Variants in TNR observed in about 807,000 individuals in gnomAD.
TNR encodes tenascin-R.
TNR carries 45 observed loss-of-function variants against 150.4 expected under a neutral mutation model. The ratio of observed to expected loss-of-function variants is 0.30; its 90% CI spans 0.24 to 0.38. The LOEUF is 0.38. Among genes scored for constraint, TNR ranks in the 10% least tolerant of loss-of-function variants. The pLI is 1.00. For synonymous variants in TNR, 687 were observed against 678.4 expected, an observed-to-expected ratio of 1.01 and a Z score of -0.20; for missense variants, 1,544 against 1,759.1, an observed-to-expected ratio of 0.88 and a Z score of 2.19.
intron 1 of TNR, among the ~76,000 whole-genome samples, chr1:175,549,581 G>A (rs972716579): frequency 6.6e-6 from 1 of 152,194 alleles, no homozygotes; most frequent in African/African-American, 2.4e-5. Context: ...AAGACAGAAA[G>A]ATTATAGAGG....
At chr1:175,523,850 A>G (rs1390081335) in intron 2 of TNR, among the ~76,000 whole-genome samples, 2 of 152,162 alleles carry the variant, frequency 1.3e-5, no homozygotes, top group Non-Finnish European at 2.9e-5. Flanking sequence ...ATCTCCACTC[A>G]AAGTCTAAAT....
chr1:175,450,687 G>A (rs568960089), intron 2 of TNR, among the ~76,000 whole-genome samples: 1 of 152,346 alleles, frequency 6.6e-6, no homozygotes, highest in East Asian at 1.9e-4. Context: ...TTTGTCTGAT[G>A]AATGAATGAA....
At chr1:175,535,447 T>TTTGTTG (rs138597544) in intron 1 of TNR, among the ~76,000 whole-genome samples, 2 of 148,070 alleles carry the variant, frequency 1.4e-5, no homozygotes, top group African/African-American at 5.2e-5. Flanking sequence ...TTATTTATTT[T>TTTGTTG]TTGTTGTTGT....
intron 1 of TNR, among the ~76,000 whole-genome samples, chr1:175,603,815 G>A (rs544729599): frequency 3.0e-4 from 46 of 152,302 alleles, no homozygotes; most frequent in Non-Finnish European, 4.3e-4. Context: ...TGCCTCTTGT[G>A]TGCTGCACTC....
rs574695864 is a variant in TNR at position 175,651,946 on chromosome 1, G to T, written c.-165+91280C>A. Among the ~76,000 whole-genome samples, 75 of 151,048 alleles carry T rather than the reference G, an allele frequency of 5.0e-4. 1 individual carries two copies. Among genetic ancestry groups the T allele is most frequent in the African/African-American group, 1.7e-3 (71 of 41,370 alleles). On this transcript the variant is annotated intron_variant, in intron 1 of 22. Coordinates refer to ENST00000367674, the MANE Select transcript of TNR (RefSeq NM_003285.3). ...ATTACTATGTTCATGGATGAAATAA[G>T]AATAATTATATTATTATTTTAATAT...
chr1:175,727,846 G>T (rs537662298), intron 1 of TNR, among the ~76,000 whole-genome samples: 1 of 152,286 alleles, frequency 6.6e-6, no homozygotes, highest in Admixed American at 6.5e-5. Context: ...ACAAGGCAAG[G>T]TCATCATCTG....
At chr1:175,407,941 T>G (rs1344411343) in intron 2 of TNR, among the ~76,000 whole-genome samples, 1 of 152,230 alleles carries the variant, frequency 6.6e-6, no homozygotes, top group Non-Finnish European at 1.5e-5. Flanking sequence ...ACTGTGTAAT[T>G]TCTAAGATCT....
At chr1:175,565,981 T>A (rs1024290595) in intron 1 of TNR, among the ~76,000 whole-genome samples, 1 of 152,166 alleles carries the variant, frequency 6.6e-6, no homozygotes, top group Non-Finnish European at 1.5e-5. Context: ...ACAGGTAGAA[T>A]CTTGAAAAGG....
At chr1:175,438,922 T>C (rs1165462865) in intron 2 of TNR, among the ~76,000 whole-genome samples, 3 of 152,016 alleles carry the variant, frequency 2.0e-5, no homozygotes, top group Non-Finnish European at 4.4e-5. Flanking sequence ...GTAGGAAGAA[T>C]CAATATCATG....
intron 1 of TNR, among the ~76,000 whole-genome samples, chr1:175,739,901 G>A (rs2101961813): frequency 6.6e-6 from 1 of 152,298 alleles, no homozygotes; most frequent in South Asian, 2.1e-4. Flanking sequence ...TTGGAATACT[G>A]AATTCTAAGT....
At chr1:175,343,208 A>G (rs61806377) in intron 18 of TNR, among the ~76,000 whole-genome samples, 17,512 of 151,374 alleles carry the variant, frequency 0.12, 1,253 homozygotes, top group Non-Finnish European at 0.15. Flanking sequence ...CATGGCCTAC[A>G]AAGCCCTGTA....
At chr1:175,622,913 CCT>C (rs1664027722) in intron 1 of TNR, among the ~76,000 whole-genome samples, 1 of 152,102 alleles carries the variant, frequency 6.6e-6, no homozygotes, top group South Asian at 2.1e-4. Context: ...GTCCCTGGTG[CCT>C]CTGTTTCCCC....
chr1:175,397,558 GA>G (rs1201444519), intron 4 of TNR, among the ~76,000 whole-genome samples: 3 of 152,196 alleles, frequency 2.0e-5, no homozygotes, highest in Non-Finnish European at 2.9e-5. Flanking sequence ...CAAATTATGA[GA>G]AGCCAAAACA....
At chr1:175,674,021 C>T (rs998886264) in intron 1 of TNR, among the ~76,000 whole-genome samples, 9 of 152,170 alleles carry the variant, frequency 5.9e-5, no homozygotes, top group Admixed American at 2.6e-4. Flanking sequence ...AATAATAGTG[C>T]TGTGTGCCTC....
At chr1:175,577,424 G>A (rs543250824) in intron 1 of TNR, among the ~76,000 whole-genome samples, 8 of 152,172 alleles carry the variant, frequency 5.3e-5, no homozygotes, top group African/African-American at 9.6e-5. Context: ...TTCCATTTCC[G>A]GGATCTCCCT....
At chr1:175,361,152 C>T (rs1651568891) in intron 14 of TNR, among the ~76,000 whole-genome samples, 1 of 152,154 alleles carries the variant, frequency 6.6e-6, no homozygotes, top group African/African-American at 2.4e-5. Flanking sequence ...GCCTTGGACT[C>T]CTGGATTCAA....
intron 9 of TNR, among the ~76,000 whole-genome samples, chr1:175,378,328 T>G (rs1652507166): frequency 6.6e-6 from 1 of 150,972 alleles, no homozygotes; most frequent in South Asian, 2.1e-4. Context: ...ATTCATTCAT[T>G]CATTCAGGAA....
intron 2 of TNR, among the ~76,000 whole-genome samples, chr1:175,407,509 T>C (rs1440790902): frequency 6.6e-6 from 1 of 152,076 alleles, no homozygotes; most frequent in Non-Finnish European, 1.5e-5. Context: ...AACCATAGAG[T>C]ACAATAAACT....
intron 1 of TNR, among the ~76,000 whole-genome samples, chr1:175,736,277 T>C (rs1260343042): frequency 6.6e-6 from 1 of 152,168 alleles, no homozygotes; most frequent in African/African-American, 2.4e-5. Flanking sequence ...ATCCCAGCAC[T>C]TTGGGAGGCC....
Sources: allele counts gnomAD v4.1 joint callset (sites outside exome capture counted in the v4.1 genomes callset), GRCh38; gene constraint gnomAD v4.1.1; transcripts MANE v1.5; gene names NCBI Gene and HGNC (gene_info 2026-07-23, HGNC 2026-07-21).